KIF26B: variants seen among roughly 807,000 people sequenced by gnomAD.
KIF26B encodes the protein kinesin family member 26B.
Under a neutral mutation model 151.2 loss-of-function variants are expected in KIF26B, and 63 were observed. The observed-to-expected ratio is 0.42, with a 90% CI of 0.34 to 0.51. The LOEUF is 0.51. KIF26B is among the 20% of genes least tolerant of loss of function. KIF26B has a pLI of 0.07. For missense variants in KIF26B, 2,813 were observed against 2,913.6 expected, an observed-to-expected ratio of 0.97 and a Z score of 0.79; for synonymous variants, 1,357 against 1,262.1, an observed-to-expected ratio of 1.08 and a Z score of -1.59.
intron 2 of KIF26B, among the ~76,000 whole-genome samples, chr1:245,325,261 T>A (rs1671967010): frequency 6.6e-6 from 1 of 152,202 alleles, no homozygotes; most frequent in South Asian, 2.1e-4. Flanking sequence ...ATTCACGATC[T>A]TGACCTGCAA....
At chr1:245,463,081 C>T (rs1003179901) in intron 4 of KIF26B, among the ~76,000 whole-genome samples, 1 of 152,174 alleles carries the variant, frequency 6.6e-6, no homozygotes, top group African/African-American at 2.4e-5. Context: ...ACTTTCTCAA[C>T]GGTGTCCTTC....
chr1:245,658,155 G>T (rs546187864), intron 10 of KIF26B, among the ~76,000 whole-genome samples: 1 of 152,132 alleles, frequency 6.6e-6, no homozygotes, highest in East Asian at 1.9e-4. Flanking sequence ...ATGCCCTTCC[G>T]TACCTTCTTT....
chr1:245,288,038 C>T (rs1671196487), intron 2 of KIF26B, among the ~76,000 whole-genome samples: 1 of 152,014 alleles, frequency 6.6e-6, no homozygotes, highest in Non-Finnish European at 1.5e-5. Flanking sequence ...AATCAAGTTC[C>T]ATATACCAAA....
At chr1:245,481,693 G>A (rs768211300) in intron 4 of KIF26B, among the ~76,000 whole-genome samples, 1 of 151,874 alleles carries the variant, frequency 6.6e-6, no homozygotes, top group Admixed American at 6.6e-5. Flanking sequence ...AACAAGTGAG[G>A]ACAGATGTGG....
At chr1:245,595,682 G>C (rs2043330708) in intron 5 of KIF26B, among the ~76,000 whole-genome samples, 2 of 152,116 alleles carry the variant, frequency 1.3e-5, no homozygotes, top group Admixed American at 1.3e-4. Flanking sequence ...TCATAAAATG[G>C]GTTAGGGAGG....
intron 10 of KIF26B, among the ~76,000 whole-genome samples, chr1:245,660,495 G>A (rs2044124167): frequency 6.6e-6 from 1 of 150,474 alleles, no homozygotes; most frequent in Admixed American, 6.6e-5. Context: ...GCACCACCAT[G>A]CCTGGTTAAT....
At chr1:245,493,222 G>C (rs563010615) in intron 4 of KIF26B, among the ~76,000 whole-genome samples, 9 of 152,180 alleles carry the variant, frequency 5.9e-5, no homozygotes, top group African/African-American at 1.7e-4. Context: ...TTACATAAAG[G>C]GTACCCTAGA....
chr1:245,235,639 G>A (rs532790065), intron 2 of KIF26B, among the ~76,000 whole-genome samples: 72 of 151,792 alleles, frequency 4.7e-4, no homozygotes, highest in Non-Finnish European at 1.0e-3. Context: ...CAGGGAGGAA[G>A]GAAGGGTTCA....
In KIF26B at chr1:245,331,983, G is replaced by A. The variant is rs373796799; in HGVS notation, c.466-34851G>A. ...TCTACTATAAATACAAAAATCAGCC[G>A]GGCGTGGTGGTGGGTGCCTGTAGTC... On this transcript the variant is annotated intron_variant, in intron 2 of 14. Coordinates refer to ENST00000407071, the MANE Select transcript of KIF26B (RefSeq NM_018012.4). Among the ~76,000 whole-genome samples, 11 of 152,002 alleles carry A rather than the reference G, an allele frequency of 7.2e-5. No homozygotes were observed. In the East Asian group the frequency reaches 7.7e-4, roughly 11 times the overall value.
intron 4 of KIF26B, among the ~76,000 whole-genome samples, chr1:245,533,792 C>CA (rs143809491): frequency 2.0e-3 from 277 of 140,814 alleles, no homozygotes; most frequent in Middle Eastern, 0.014. Flanking sequence ...TATACAATTA[C>CA]AAAAAAAAAA....
chr1:245,257,447 C>T (rs1234997802), intron 2 of KIF26B, among the ~76,000 whole-genome samples: 1 of 152,172 alleles, frequency 6.6e-6, no homozygotes, highest in Non-Finnish European at 1.5e-5. Flanking sequence ...GATGATATCC[C>T]CTGCCTCGAG....
chr1:245,356,061 C>T (rs893793875), intron 2 of KIF26B, among the ~76,000 whole-genome samples: 1 of 152,130 alleles, frequency 6.6e-6, no homozygotes, highest in Non-Finnish European at 1.5e-5. Context: ...TGAGAGGGGA[C>T]CTGGAAACCT....
Position 245,602,558 on chromosome 1 carries a change from G to A in KIF26B, c.1351-19G>A, listed in dbSNP as rs768735349. On this transcript the variant is annotated intron_variant, in intron 5 of 14. Transcript: ENST00000407071. This position sits in a 1 kb window ranked among gnomAD's most constrained non-coding sequence, Gnocchi z 4.5. ...CCCAGCTGTCTTCATCCATGCTGTC[G>A]CCCATCTTTTCTTAACAGGTGAAAG... is the stretch of plus-strand genomic sequence containing the variant. 50 of 1,587,786 alleles carry A rather than the reference G, an allele frequency of 3.1e-5. No homozygotes were observed. The highest frequency in any genetic ancestry group is 1.7e-4 in the Middle Eastern group (1 of 6,050).
At chr1:245,289,749 C>G (rs111620856) in intron 2 of KIF26B, among the ~76,000 whole-genome samples, 4,490 of 152,146 alleles carry the variant, frequency 0.03, 234 homozygotes, top group African/African-American at 0.1. Context: ...CCTGAGTTTT[C>G]TCAGTTCATT....
At chr1:245,342,789 A>C (rs868248004) in intron 2 of KIF26B, among the ~76,000 whole-genome samples, 5 of 152,122 alleles carry the variant, frequency 3.3e-5, no homozygotes, top group African/African-American at 9.7e-5. Context: ...TCAGAGATTA[A>C]GAATTTAGAT....
chr1:245,163,244 C>T (rs919794927), intron 2 of KIF26B, among the ~76,000 whole-genome samples: 1 of 152,158 alleles, frequency 6.6e-6, no homozygotes, highest in African/African-American at 2.4e-5. Context: ...CAAGTTCAAG[C>T]AGTTCTCCCG....
chr1:245,499,055 T>A (rs1660566957), intron 4 of KIF26B, among the ~76,000 whole-genome samples: 1 of 152,194 alleles, frequency 6.6e-6, no homozygotes, highest in South Asian at 2.1e-4. Flanking sequence ...AAGGAACAAC[T>A]TGGATTGCCT....
intron 5 of KIF26B, among the ~76,000 whole-genome samples, chr1:245,592,882 T>G (rs2043303102): frequency 6.6e-6 from 1 of 152,204 alleles, no homozygotes; most frequent in Non-Finnish European, 1.5e-5. Context: ...ATGGTAACTA[T>G]GGGTTGATGG....
chr1:245,532,390 C>T (rs1050696618), intron 4 of KIF26B, among the ~76,000 whole-genome samples: 29 of 151,678 alleles, frequency 1.9e-4, no homozygotes, highest in South Asian at 6.3e-4. Context: ...GGACTACAGG[C>T]GCCCGCCACC....
Sources: gnomAD v4.1 joint callset for allele counts (sites outside exome capture counted in the v4.1 genomes callset) on GRCh38, gnomAD v4.1.1 for gene constraint, Gnocchi (gnomAD v3.1) non-coding constraint, MANE v1.5 for transcripts, NCBI Gene and HGNC (gene_info 2026-07-23, HGNC 2026-07-21) for gene names.